The following EIF4G3 variants were observed in gnomAD, a reference collection of about 807,000 sequenced individuals.
EIF4G3 encodes eIF-4-gamma 3.
EIF4G3 carries 34 observed loss-of-function variants against 186.4 expected under a neutral mutation model. The observed-to-expected ratio is 0.18, with a 90% CI of 0.14 to 0.24. The LOEUF is 0.24. Ranked by LOEUF, EIF4G3 falls within the 10% of genes least tolerant of loss-of-function variation. The pLI, the probability that EIF4G3 is intolerant of heterozygous loss-of-function variation, is 1.00. For missense variants in EIF4G3, 1,536 were observed against 1,948.5 expected, an observed-to-expected ratio of 0.79 and a Z score of 3.99; for synonymous variants, 673 against 679.5, an observed-to-expected ratio of 0.99 and a Z score of 0.15.
chr1:21,116,838 C>CAAAAAAAAA (rs577723036), intron 2 of EIF4G3, among the ~76,000 whole-genome samples: 1 of 67,534 alleles, frequency 1.5e-5, no homozygotes, highest in Non-Finnish European at 3.0e-5. Flanking sequence ...GACTCCTTCT[C>CAAAAAAAAA]AAAAAAAAAA....
At chr1:20,946,057 G>T (rs957682904) in intron 13 of EIF4G3, among the ~76,000 whole-genome samples, 1 of 152,098 alleles carries the variant, frequency 6.6e-6, no homozygotes, top group African/African-American at 2.4e-5. Context: ...TTGTCTTTTG[G>T]TTGTCACAAG....
At chr1:20,874,720 G>C (rs947749576) in intron 20 of EIF4G3, among the ~76,000 whole-genome samples, 7 of 152,112 alleles carry the variant, frequency 4.6e-5, no homozygotes, top group African/African-American at 1.7e-4. Context: ...AATTTTAACA[G>C]TCAAATCTTA....
At chr1:21,157,506 T>C (rs577145180) in intron 2 of EIF4G3, among the ~76,000 whole-genome samples, 4 of 149,242 alleles carry the variant, frequency 2.7e-5, no homozygotes, top group South Asian at 2.1e-4. Flanking sequence ...ACCTGGCTAA[T>C]TTTTTTTTTG....
Position 21,034,643 on chromosome 1 carries a change from T to C in EIF4G3, c.-67+16223A>G, listed in dbSNP as rs148600787. 6.1e-4 allele frequency among the ~76,000 whole-genome samples: 93 copies of C among 152,352 alleles called. 2 individuals carry two copies. In the East Asian group the frequency reaches 0.017, roughly 28 times the overall value. ...TCTTAGTGATTGCAGTGATGGACCA[T>C]ACAAAGTGGCTGCTGACATGGCACT... On this transcript the variant is annotated intron_variant, in intron 4 of 36. Coordinates refer to ENST00000602326, the MANE Select transcript of EIF4G3 (RefSeq NM_001391906.1).
rs534579646 is a variant in EIF4G3, at chr1:20,927,240, T to A, written c.1663+14251A>T. ...ATTGAGCAGGTTCCTTAATGTGGTC[T>A]AGGTTGAAGACAGCATCAAGGAAAC... On this transcript the variant is annotated intron_variant, in intron 14 of 36. Coordinates refer to ENST00000602326, the MANE Select transcript of EIF4G3 (RefSeq NM_001391906.1). Among the ~76,000 whole-genome samples, 4 of 152,218 alleles carry A rather than the reference T, an allele frequency of 2.6e-5. No individual in the cohort carries two copies. The South Asian group carries it at 8.3e-4, about 32-fold the overall frequency.
intron 14 of EIF4G3, among the ~76,000 whole-genome samples, chr1:20,928,491 C>T (rs978348463): frequency 5.3e-5 from 8 of 150,980 alleles, no homozygotes; most frequent in African/African-American, 2.0e-4. Context: ...CAACCTCCGC[C>T]TTCCGAGTTC....
rs907181540 is a variant in EIF4G3 at position 21,128,226 on chromosome 1, C to T, written c.-271-39013G>A. ...CGTCTCAAAAAAAAAAAAAAAGTTT[C>T]GGCTGGGTGTGGTGGCTCACTCCTA... On this transcript the variant is annotated intron_variant, in intron 2 of 36. Coordinates refer to ENST00000602326, the MANE Select transcript of EIF4G3 (RefSeq NM_001391906.1). Among the ~76,000 whole-genome samples, 22 of 139,146 alleles carry T rather than the reference C, an allele frequency of 1.6e-4. No homozygotes were observed. In the East Asian group the frequency reaches 3.7e-3, roughly 24 times the overall value. The allele number at this position is 139,146 out of a possible 152,430, so 91.3% of individuals were successfully genotyped here. A position where few individuals can be genotyped will look rare whatever the true frequency, so the allele number is the denominator to read the frequency against.
chr1:21,047,571 C>T (rs1343981045), intron 4 of EIF4G3, among the ~76,000 whole-genome samples: 1 of 152,174 alleles, frequency 6.6e-6, no homozygotes, highest in Non-Finnish European at 1.5e-5. Context: ...ATAGCCCATT[C>T]CCCACCCTGC....
intron 3 of EIF4G3, among the ~76,000 whole-genome samples, chr1:21,075,503 A>C (rs1335878769): frequency 7.3e-6 from 1 of 137,172 alleles, no homozygotes; most frequent in Non-Finnish European, 1.5e-5. Context: ...CGGGAGGCGG[A>C]GGTTGCAGCA....
intron 4 of EIF4G3, among the ~76,000 whole-genome samples, chr1:21,035,466 G>A (rs980930458): frequency 1.3e-5 from 2 of 152,170 alleles, no homozygotes; most frequent in Non-Finnish European, 2.9e-5. Flanking sequence ...CAGGCTCAGG[G>A]GTGTCTGCTC....
At chr1:20,851,166 A>T in intron 28 of EIF4G3, 92 bp downstream of exon 28, 2 of 1,176,364 alleles carry the variant, frequency 1.7e-6, no homozygotes, top group Non-Finnish European at 2.5e-6. Flanking sequence ...ATTATGTGTT[A>T]ATTCTAAAAT....
rs79194140 is a variant in EIF4G3, at chr1:21,005,658, A to G, written c.-66-2850T>C. On this transcript the variant is annotated intron_variant, in intron 4 of 36. Coordinates refer to ENST00000602326, the MANE Select transcript of EIF4G3 (RefSeq NM_001391906.1). ...ACATAGAGCCAACTGAAAATGCAAT[A>G]TGTGAATTGGCATTCAAAGATAAAG... Among the ~76,000 whole-genome samples, 1,435 of 152,334 alleles carry G rather than the reference A, an allele frequency of 9.4e-3. 19 individuals are homozygous for G. The highest frequency in any genetic ancestry group is 0.032 in the African/African-American group (1,341 of 41,582).
intron 12 of EIF4G3, among the ~76,000 whole-genome samples, chr1:20,956,851 A>C (rs1396398765): frequency 6.6e-6 from 1 of 151,994 alleles, no homozygotes; most frequent in African/African-American, 2.4e-5. Context: ...CAATCCCCCC[A>C]GCTTGGCCTC....
At chr1:20,954,974 G>C (rs1330904261) in intron 12 of EIF4G3, among the ~76,000 whole-genome samples, 1 of 152,216 alleles carries the variant, frequency 6.6e-6, no homozygotes, top group East Asian at 1.9e-4. Context: ...AGGAAGGGCA[G>C]TTAGATGCAT....
At chr1:21,103,767 C>T (rs1324360323) in intron 2 of EIF4G3, among the ~76,000 whole-genome samples, 1 of 152,094 alleles carries the variant, frequency 6.6e-6, no homozygotes, top group Non-Finnish European at 1.5e-5. Flanking sequence ...TTGCTTGAAC[C>T]TGGGAGGCAG....
chr1:20,825,011 A>G (rs1184523611), intron 33 of EIF4G3, 89 bp downstream of exon 33: 1 of 783,236 alleles, frequency 1.3e-6, no homozygotes, highest in African/African-American at 1.8e-5. Context: ...TGCAATTTTA[A>G]CGACTGGAAT....
chr1:21,028,102 G>A (rs2092361453), intron 4 of EIF4G3, among the ~76,000 whole-genome samples: 5 of 152,180 alleles, frequency 3.3e-5, no homozygotes, highest in South Asian at 4.1e-4. Context: ...AGACAGACAG[G>A]AGAATGGCTG....
intron 33 of EIF4G3, among the ~76,000 whole-genome samples, chr1:20,818,397 G>T (rs1296318878): frequency 6.6e-6 from 1 of 152,314 alleles, no homozygotes; most frequent in Admixed American, 6.5e-5. Flanking sequence ...CCAGCACTTT[G>T]GGAGGCCAAG....
chr1:21,121,192 G>A (rs2096919224), intron 2 of EIF4G3, among the ~76,000 whole-genome samples: 1 of 152,112 alleles, frequency 6.6e-6, no homozygotes, highest in African/African-American at 2.4e-5. Context: ...ACCACACCCA[G>A]TCTAAAATGG....
Sources: gnomAD v4.1 joint callset for allele counts (sites outside exome capture counted in the v4.1 genomes callset) on GRCh38, gnomAD v4.1.1 for gene constraint, MANE v1.5 for transcripts, NCBI Gene and HGNC (gene_info 2026-07-23, HGNC 2026-07-21) for gene names.